TMC6: variants seen among roughly 807,000 people sequenced by gnomAD.
The protein encoded by TMC6 is transmembrane channel-like protein 6.
In TMC6, 71 loss-of-function variants were observed where a neutral mutation model predicts 95.4. The observed-to-expected ratio is 0.74, with a 90% CI of 0.61 to 0.91. The LOEUF (loss-of-function observed/expected upper bound fraction) is 0.91. Among genes scored for constraint, TMC6 ranks in the 40% least tolerant of loss-of-function variants. TMC6 has a pLI of 0.00. For missense variants in TMC6, 1,074 were observed against 1,079.1 expected (o/e 1.00, Z 0.07); for synonymous variants, 514 against 483.1 (o/e 1.06, Z -0.84).
rs569244381 is a variant in TMC6 at position 78,125,958 on chromosome 17, G to A, written c.272-74C>T. On this transcript the variant is annotated intron_variant, in intron 4 of 19. Transcript: ENST00000590602. ...TCCCCTCAGGATGGGCTCACCACAG[G>A]CCTCTGCGTCCCTCACCCCTTCCCA... 125 of 1,537,852 alleles carry A rather than the reference G, an allele frequency of 8.1e-5. No homozygotes were observed. The African/African-American group carries it at 1.6e-3, about 19-fold the overall frequency.
At position 78,125,195 on chromosome 17, in the gene TMC6, C is replaced by T. The variant is rs1366532141; in HGVS notation, c.499G>A (p.Gly167Arg). Reference protein sequence around the residue: ...AVAQRDHMLRGMPLSLAEKRS... With the variant: ...AVAQRDHMLRRMPLSLAEKRS... ...TTCTCAGCCAGGCTTAAGGGCATCCCGCGAAGCATGTGGTCCCGCTGTGCC... is the reference window on the plus strand; with the variant it reads ...TTCTCAGCCAGGCTTAAGGGCATCCTGCGAAGCATGTGGTCCCGCTGTGCC... The change falls in exon 6 of 20, where the codon GGG becomes AGG. Residue 167 changes from glycine (G) to arginine (R), a missense_variant. Coordinates refer to ENST00000590602, the MANE Select transcript of TMC6 (RefSeq NM_001127198.5). The T allele has an allele frequency of 5.7e-6, 9 of 1,586,728 alleles. No individual in the cohort carries two copies. The highest frequency in any genetic ancestry group is 4.6e-5 in the South Asian group (4 of 87,248).
chr17:78,119,134 GAC>G (rs1377999531), intron 14 of TMC6, 88 bp from the exon 15 acceptor site: 2 of 1,503,556 alleles, frequency 1.3e-6, no homozygotes, highest in African/African-American at 2.8e-5. Flanking sequence ...CAGGGCATGT[GAC>G]AGTGGCCAAA....
upstream of TMC6, chr17:78,131,762 G>T: frequency 6.4e-7 from 1 of 1,565,860 alleles, no homozygotes; most frequent in South Asian, 1.2e-5. Flanking sequence ...GGCGCCAGAC[G>T]GTGCGTGGGG....
chr17:78,129,549 C>A (rs190550733), upstream of TMC6, among the ~76,000 whole-genome samples: 85 of 152,188 alleles, frequency 5.6e-4, no homozygotes, highest in Middle Eastern at 3.4e-3. This position sits in a 1 kb window ranked among gnomAD's most constrained non-coding sequence, Gnocchi z 4.3. Context: ...TCATTCCTGG[C>A]GGGGAGAAGC....
upstream of TMC6, chr17:78,132,246 G>T (rs1358960979): frequency 2.1e-6 from 3 of 1,431,412 alleles, no homozygotes; most frequent in Non-Finnish European, 2.9e-6. Context: ...GGACTCGGGC[G>T]GGTGGGAGCC....
At position 78,109,960 on chromosome 17, in the gene TMC6, G is replaced by GGA. The variant is rs545283240; in HGVS notation, c.*3186_*3187dup. On this transcript the variant is annotated 3_prime_UTR_variant, in exon 20 of 20. Transcript: ENST00000590602. ...ACATGCCTGTAATCCCAGCTACTTGGGAAGCTGAGGCAGGAGAATGGCTTG... is the reference window on the plus strand; with the variant it reads ...ACATGCCTGTAATCCCAGCTACTTGGGAGAAGCTGAGGCAGGAGAATGGCTTG... The GGA allele has an allele frequency of 1.3e-3, 252 of 190,330 alleles. No homozygotes were observed. The highest frequency in any genetic ancestry group is 5.7e-3 in the African/African-American group (241 of 42,570). 11.8% of individuals were successfully genotyped at this position (190,330 alleles called of 1,614,324 possible).
chr17:78,128,352 C>A lies in TMC6; in HGVS notation c.-75+260G>T, dbSNP rs1056349309. On this transcript the variant is annotated intron_variant, in intron 1 of 19. Transcript: ENST00000590602. The surrounding 1 kb of genome is among the most constrained non-coding windows in gnomAD (Gnocchi z 4.0). ...GCCACACCCCCTCCCCTCCCCTCCC[C>A]GTGCCCTGGCGCTCGGCTGGGGGAC... Among the ~76,000 whole-genome samples the A allele has an allele frequency of 1.3e-5, 2 of 152,162 alleles. No homozygotes were observed. Among genetic ancestry groups the A allele is most frequent in the Non-Finnish European group, 2.9e-5 (2 of 68,016 alleles).
At chr17:78,120,530 C>T in intron 13 of TMC6, 123 bp downstream of exon 13, 13 of 1,424,978 alleles carry the variant, frequency 9.1e-6, no homozygotes, top group East Asian at 2.3e-5. Flanking sequence ...CCTGAGTCTT[C>T]CTCTGAAGGG....
In TMC6 at chr17:78,126,570, C is replaced by T. The variant is rs150974387; in HGVS notation, c.135G>A (p.Thr45=). 2.4e-4 allele frequency: 382 copies of T among 1,613,682 alleles called. No homozygotes were observed. The highest frequency in any genetic ancestry group is 3.1e-4 in the Non-Finnish European group (368 of 1,180,010). ...GCTGCAGCTCCAGCCCCTCCTGGGC[C>T]GTGCACTGGCTCTGCTCCTGGATGA... ...QQLIQEQSQC[T]AQEGLELQQR... The change falls in exon 3 of 20, where the codon ACG becomes ACA. Residue 45 remains threonine (T), a synonymous_variant. Coordinates refer to ENST00000590602, the MANE Select transcript of TMC6 (RefSeq NM_001127198.5).
intron 13 of TMC6, among the ~76,000 whole-genome samples, 200 bp from the exon 14 acceptor site, chr17:78,119,592 G>C (rs1404210738): frequency 6.6e-6 from 1 of 152,142 alleles, no homozygotes; most frequent in Non-Finnish European, 1.5e-5. Context: ...AAGTAGGTTC[G>C]GATACACCCG....
At chr17:78,113,995 T>A (rs1261410491) in intron 18 of TMC6, 1 of 343,870 alleles carries the variant, frequency 2.9e-6, no homozygotes, top group East Asian at 7.6e-5. Context: ...AGGCACAGGG[T>A]TTACATTAGT....
At chr17:78,131,839 G>A (rs1270843044), upstream of TMC6, 3 of 1,481,846 alleles carry the variant, frequency 2.0e-6, no homozygotes, top group Admixed American at 6.6e-5. Context: ...CGGGTGGGCA[G>A]GGCGGGTGAC....
chr17:78,131,808 G>T (rs1568012157), upstream of TMC6: 11 of 1,517,708 alleles, frequency 7.2e-6, no homozygotes, highest in Non-Finnish European at 7.9e-6. Context: ...GATGGTGTGG[G>T]AGCACCCCGT....
upstream of TMC6, chr17:78,131,690 G>A (rs775802077): frequency 2.0e-5 from 32 of 1,577,590 alleles, no homozygotes; most frequent in Admixed American, 2.6e-4. Context: ...GCTCTGGGAC[G>A]CCCGTGCGCG....
Position 78,124,556 on chromosome 17 carries a change from C to T in TMC6, c.859G>A (p.Val287Ile), listed in dbSNP as rs8078238. The T allele has an allele frequency of 2.8e-3, 4,578 of 1,611,856 alleles. 100 individuals are homozygous for T. The African/African-American group carries it at 0.054, about 19-fold the overall frequency. Residue 287 changes from valine to isoleucine, a missense_variant, in exon 8 of 20, where the codon GTC becomes ATC. Physicochemically the swap from Val to Ile is conservative, Grantham distance 29 (BLOSUM62 3). Coordinates refer to ENST00000590602, the MANE Select transcript of TMC6 (RefSeq NM_001127198.5). ...GTGAGGAGCTCCAGGCCTGTGCAGA[C>T]GGGGGCAGGGCCCGGCAGGGCGGGT... ...FPPALPGPAP[V>I]CTGLELLTGA...
upstream of TMC6, chr17:78,131,443 A>ACGCCGG (rs1555661263): frequency 8.4e-7 from 1 of 1,186,588 alleles, no homozygotes; most frequent in Non-Finnish European, 1.2e-6. Flanking sequence ...CCAGGCCCCG[A>ACGCCGG]CGCCGGCGCA....
chr17:78,114,464 C>T (rs1028347255), intron 18 of TMC6, among the ~76,000 whole-genome samples: 3 of 152,126 alleles, frequency 2.0e-5, no homozygotes, highest in East Asian at 1.9e-4. Context: ...AGGACGGGGA[C>T]ATCTTTGGGG....
rs2074408463 is a variant in TMC6, at chr17:78,121,435, C to T, written c.1383+121G>A. On this transcript the variant is annotated intron_variant, in intron 11 of 19. Transcript: ENST00000590602. The surrounding 1 kb of genome is among the most constrained non-coding windows in gnomAD (Gnocchi z 5.6). The stretch of plus-strand genomic sequence containing the variant: ...GGGCCCCAGCACGGGGCACAGCGTA[C>T]GTGGCACCCTGGGCTGGCTGGGTGG... 10 of 1,521,476 alleles carry T rather than the reference C, an allele frequency of 6.6e-6. No homozygotes were observed. The highest frequency in any genetic ancestry group is 1.8e-6 in the Non-Finnish European group (2 of 1,118,778). 94.2% of individuals were successfully genotyped at this position (1,521,476 alleles called of 1,614,324 possible).
At chr17:78,114,657 G>A (rs2073964796) in intron 18 of TMC6, among the ~76,000 whole-genome samples, 1 of 151,974 alleles carries the variant, frequency 6.6e-6, no homozygotes, top group African/African-American at 2.4e-5. Flanking sequence ...ATTGGCTCTG[G>A]GCACCTGGCA....
Sources: gnomAD v4.1 joint callset for allele counts (sites outside exome capture counted in the v4.1 genomes callset) on GRCh38, gnomAD v4.1.1 for gene constraint, Gnocchi (gnomAD v3.1) non-coding constraint, MANE v1.5 for transcripts, NCBI Gene and HGNC (gene_info 2026-07-23, HGNC 2026-07-21) for gene names.